CFAP54: variants seen among roughly 807,000 people sequenced by gnomAD.
The protein encoded by CFAP54 is cilia and flagella associated protein 54, also known as cilia- and flagella-associated protein 54.
In CFAP54, 290 loss-of-function variants were observed where a neutral mutation model predicts 370.4. That is an observed-to-expected ratio of 0.78 (90% CI 0.71 to 0.86). The LOEUF is 0.86. Ranked by LOEUF, CFAP54 falls within the 40% of genes least tolerant of loss-of-function variation. The probability of loss-of-function intolerance (pLI) is 0.00; values close to 1 mark genes in which losing one functional copy is unlikely to be tolerated. For missense variants in CFAP54, 3,399 were observed against 3,528.7 expected, an observed-to-expected ratio of 0.96 and a Z score of 0.93; for synonymous variants, 1,206 against 1,236.5, an observed-to-expected ratio of 0.98 and a Z score of 0.52.
intron 8 of CFAP54, among the ~76,000 whole-genome samples, chr12:96,525,897 G>A (rs542711379): frequency 2.1e-4 from 32 of 152,306 alleles, no homozygotes; most frequent in Admixed American, 5.9e-4. Context: ...CACCATATTG[G>A]CCAGGCTGGT....
chr12:96,539,950 C>T (rs554624596), intron 13 of CFAP54, among the ~76,000 whole-genome samples: 31 of 152,240 alleles, frequency 2.0e-4, no homozygotes, highest in African/African-American at 3.9e-4. Context: ...ATAAGATTAG[C>T]TACATTAGTA....
At chr12:96,566,289 T>C (rs914954294) in intron 19 of CFAP54, among the ~76,000 whole-genome samples, 1 of 152,104 alleles carries the variant, frequency 6.6e-6, no homozygotes, top group African/African-American at 2.4e-5. Flanking sequence ...AAAGTAAAGA[T>C]AATGTGGAGA....
At chr12:96,657,202 GC>G (rs1029705520) in intron 36 of CFAP54, among the ~76,000 whole-genome samples, 2 of 152,166 alleles carry the variant, frequency 1.3e-5, no homozygotes, top group African/African-American at 4.8e-5. Flanking sequence ...GCTTTGTTTT[GC>G]CTTAAGAATT....
intron 50 of CFAP54, among the ~76,000 whole-genome samples, chr12:96,739,355 A>G (rs1040055251): frequency 8.5e-5 from 13 of 152,338 alleles, no homozygotes; most frequent in Non-Finnish European, 1.5e-4. Flanking sequence ...TAACGGCTTA[A>G]AATACAGACA....
chr12:96,632,431 T>G (rs1956619334), intron 32 of CFAP54, among the ~76,000 whole-genome samples: 1 of 152,048 alleles, frequency 6.6e-6, no homozygotes, highest in Non-Finnish European at 1.5e-5. Context: ...TTGCGTATGG[T>G]GAGAAGATGA....
intron 64 of CFAP54, 64 bp downstream of exon 64, chr12:96,811,906 C>A (rs1958931711): frequency 1.0e-6 from 1 of 969,106 alleles, no homozygotes. Flanking sequence ...TAGACTCTTT[C>A]AGTAATTGGC....
intron 66 of CFAP54, among the ~76,000 whole-genome samples, chr12:96,839,272 A>C (rs1959196985): frequency 1.3e-5 from 2 of 152,238 alleles, no homozygotes; most frequent in African/African-American, 4.8e-5. Flanking sequence ...GTGTGGATTA[A>C]ATGAGTTAAT....
At chr12:96,524,894 T>G (rs531362691) in intron 8 of CFAP54, among the ~76,000 whole-genome samples, 3 of 152,216 alleles carry the variant, frequency 2.0e-5, no homozygotes, top group Non-Finnish European at 4.4e-5. Context: ...TCATTATTAC[T>G]TTAGTTCTTT....
At chr12:96,690,858 T>C (rs1411108166) in intron 43 of CFAP54, among the ~76,000 whole-genome samples, 1 of 152,122 alleles carries the variant, frequency 6.6e-6, no homozygotes, top group Non-Finnish European at 1.5e-5. Flanking sequence ...TGATTGACCC[T>C]CAACAAAACA....
intron 5 of CFAP54, among the ~76,000 whole-genome samples, chr12:96,516,993 T>C (rs1955243408): frequency 6.6e-6 from 1 of 151,018 alleles, no homozygotes; most frequent in Admixed American, 6.6e-5. Context: ...ATCATTTGAC[T>C]TTTTAAAGTT....
chr12:96,728,692 C>G (rs1027170718), intron 50 of CFAP54, among the ~76,000 whole-genome samples: 3 of 152,204 alleles, frequency 2.0e-5, no homozygotes, highest in African/African-American at 7.2e-5. Flanking sequence ...AAGTCATTCT[C>G]CGTCCAGCTT....
intron 1 of CFAP54, among the ~76,000 whole-genome samples, chr12:96,493,480 A>G (rs79887017): frequency 0.012 from 1,831 of 152,344 alleles, 20 homozygotes; most frequent in Middle Eastern, 0.034. Flanking sequence ...CTAGACAATA[A>G]ACATCAATTA....
chr12:96,795,039 C>T lies in CFAP54; in HGVS notation c.8850+2540C>T, dbSNP rs147108274. Among the ~76,000 whole-genome samples the T allele has an allele frequency of 3.6e-3, 555 of 152,252 alleles. 4 individuals are homozygous for T. Among genetic ancestry groups the T allele is most frequent in the African/African-American group, 0.012 (506 of 41,542 alleles). The stretch of plus-strand genomic sequence containing the variant: ...GGGTCTAGGCACCCATCGAAGCTAC[C>T]GGGCTCTGGGCTGGTACAGAGGAGT... On this transcript the variant is annotated intron_variant, in intron 63 of 67. Coordinates refer to ENST00000524981, the MANE Select transcript of CFAP54 (RefSeq NM_001306084.2).
chr12:96,793,418 G>T (rs6538741), intron 63 of CFAP54, among the ~76,000 whole-genome samples: 1 of 151,738 alleles, frequency 6.6e-6, no homozygotes, highest in Non-Finnish European at 1.5e-5. Flanking sequence ...GTGTGCATAT[G>T]TATATATCAC....
chr12:96,833,704 G>C (rs542922110), intron 66 of CFAP54, among the ~76,000 whole-genome samples: 2 of 152,016 alleles, frequency 1.3e-5, no homozygotes, highest in Non-Finnish European at 1.5e-5. Flanking sequence ...GGTTTGGTAG[G>C]ATTTTCTTTT....
chr12:96,566,310 A>G (rs1350018990), intron 19 of CFAP54, among the ~76,000 whole-genome samples: 1 of 152,140 alleles, frequency 6.6e-6, no homozygotes, highest in Non-Finnish European at 1.5e-5. Context: ...GTGGGGAGGA[A>G]TGGATGAGGG....
intron 66 of CFAP54, among the ~76,000 whole-genome samples, chr12:96,857,927 G>A (rs542145905): frequency 2.0e-5 from 3 of 152,154 alleles, no homozygotes; most frequent in African/African-American, 7.2e-5. Context: ...CAATATACAC[G>A]TCTTTGCTAT....
At chr12:96,735,363 G>A (rs971709104) in intron 50 of CFAP54, among the ~76,000 whole-genome samples, 31 of 152,090 alleles carry the variant, frequency 2.0e-4, no homozygotes, top group Admixed American at 8.5e-4. Context: ...AAGAGTGGTC[G>A]CTCTACCTTC....
intron 12 of CFAP54, among the ~76,000 whole-genome samples, chr12:96,535,855 G>T (rs985187951): frequency 1.4e-4 from 22 of 152,256 alleles, no homozygotes; most frequent in Non-Finnish European, 5.9e-5. Context: ...TGAGGCAGTG[G>T]TTTTTAGGAA....
Sources: allele counts gnomAD v4.1 joint callset (sites outside exome capture counted in the v4.1 genomes callset), GRCh38; gene constraint gnomAD v4.1.1; transcripts MANE v1.5; gene names NCBI Gene and HGNC (gene_info 2026-07-23, HGNC 2026-07-21).